TIAM1: variants seen among roughly 807,000 people sequenced by gnomAD.
The protein encoded by TIAM1 is TIAM Rac1 associated GEF 1, also known as rho guanine nucleotide exchange factor TIAM1.
TIAM1 carries 65 observed loss-of-function variants against 163.5 expected under a neutral mutation model. That is an observed-to-expected ratio of 0.40 (90% CI 0.33 to 0.49). The LOEUF (loss-of-function observed/expected upper bound fraction) is 0.49. TIAM1 is among the 20% of genes least tolerant of loss of function. TIAM1 has a pLI of 0.77. For missense variants in TIAM1, 1,789 were observed against 2,044.7 expected (o/e 0.87, Z 2.41); for synonymous variants, 833 against 810.1 (o/e 1.03, Z -0.48).
intron 23 of TIAM1, among the ~76,000 whole-genome samples, chr21:31,133,711 T>C (rs2082506164): frequency 6.6e-6 from 1 of 152,234 alleles, no homozygotes; most frequent in Admixed American, 6.5e-5. Flanking sequence ...TAGGGCTGCT[T>C]CTGGCTCCAG....
chr21:31,318,765 T>C (rs2075210181), intron 2 of TIAM1, among the ~76,000 whole-genome samples: 1 of 152,218 alleles, frequency 6.6e-6, no homozygotes, highest in African/African-American at 2.4e-5. Flanking sequence ...CTTGATAATG[T>C]TACTAGAAAG....
chr21:31,132,655 C>A (rs915534465), intron 23 of TIAM1, among the ~76,000 whole-genome samples: 15 of 152,160 alleles, frequency 9.9e-5, no homozygotes, highest in African/African-American at 3.4e-4. Context: ...TTGTGGATCA[C>A]AGCAGGAGGG....
intron 16 of TIAM1, among the ~76,000 whole-genome samples, chr21:31,156,595 G>A (rs953231595): frequency 6.6e-6 from 1 of 152,208 alleles, no homozygotes; most frequent in African/African-American, 2.4e-5. Flanking sequence ...ATACAGTCAA[G>A]TAGGGCTTTG....
intron 15 of TIAM1, 106 bp from the exon 16 acceptor site, chr21:31,165,171 T>A: frequency 4.2e-6 from 4 of 941,958 alleles, no homozygotes; most frequent in Non-Finnish European, 6.6e-6. Flanking sequence ...CATGTACATA[T>A]ACTGTAAGAC....
rs2082859243 is a variant in TIAM1, at chr21:31,141,835, G to A, written c.3476-331C>T. The stretch of plus-strand genomic sequence containing the variant: ...TTTTATCCTGATGTTTTGACACCTG[G>A]GGCCTTACTGTCCATGGGGAGACTG... On this transcript the variant is annotated intron_variant, in intron 20 of 27. Coordinates refer to ENST00000541036, the MANE Select transcript of TIAM1 (RefSeq NM_001353694.2). This position sits in a 1 kb window ranked among gnomAD's most constrained non-coding sequence, Gnocchi z 4.7. 6.6e-6 allele frequency among the ~76,000 whole-genome samples: 1 copy of A among 151,988 alleles called. No individual in the cohort carries two copies. The highest frequency in any genetic ancestry group is 1.5e-5 in the Non-Finnish European group (1 of 68,018).
At chr21:31,217,998 T>C (rs1013652399) in intron 8 of TIAM1, among the ~76,000 whole-genome samples, 4 of 152,224 alleles carry the variant, frequency 2.6e-5, no homozygotes, top group African/African-American at 9.7e-5. Flanking sequence ...GACATGTCCT[T>C]CTGGTCACAG....
chr21:31,535,106 A>G (rs181785568), intron 1 of TIAM1, among the ~76,000 whole-genome samples: 8 of 150,448 alleles, frequency 5.3e-5, no homozygotes, highest in African/African-American at 2.0e-4. Flanking sequence ...AAAAAGGCTG[A>G]GCGCAGTGGC....
intron 25 of TIAM1, among the ~76,000 whole-genome samples, chr21:31,128,910 G>A (rs2082308103): frequency 6.6e-6 from 1 of 152,196 alleles, no homozygotes; most frequent in Non-Finnish European, 1.5e-5. Context: ...CGTTGGACTA[G>A]GGTGGGTTGG....
chr21:31,239,465 T>G (rs1207312561), intron 6 of TIAM1, among the ~76,000 whole-genome samples: 1 of 152,092 alleles, frequency 6.6e-6, no homozygotes, highest in Non-Finnish European at 1.5e-5. Flanking sequence ...CAAGAAAATT[T>G]TCATGACATT....
chr21:31,322,761 A>C (rs1301959181), intron 2 of TIAM1, among the ~76,000 whole-genome samples: 1 of 152,222 alleles, frequency 6.6e-6, no homozygotes, highest in African/African-American at 2.4e-5. Flanking sequence ...TTATGGCTGA[A>C]TATTAGGTCC....
intron 12 of TIAM1, among the ~76,000 whole-genome samples, chr21:31,196,478 A>ATTTTTTTTTTTTTTTTTT (rs59358430): frequency 5.3e-4 from 70 of 133,068 alleles, no homozygotes; most frequent in African/African-American, 2.1e-3. Flanking sequence ...CATCTGGCTA[A>ATTTTTTTTTTTTTTTTTT]TTTTTTTTTT....
At chr21:31,300,669 A>G (rs2074462601) in intron 2 of TIAM1, among the ~76,000 whole-genome samples, 1 of 152,248 alleles carries the variant, frequency 6.6e-6, no homozygotes, top group Non-Finnish European at 1.5e-5. Context: ...TATTGTTGCT[A>G]AAGATTAAAG....
chr21:31,384,809 G>A (rs1474047242), intron 2 of TIAM1, among the ~76,000 whole-genome samples: 1 of 152,108 alleles, frequency 6.6e-6, no homozygotes, highest in African/African-American at 2.4e-5. Context: ...AGTGGTACAT[G>A]GAAAACCATG....
chr21:31,424,379 G>A (rs116297077), intron 2 of TIAM1, among the ~76,000 whole-genome samples: 213 of 152,302 alleles, frequency 1.4e-3, no homozygotes, highest in African/African-American at 4.9e-3. Flanking sequence ...GTGGATTTGT[G>A]GATGCCATCC....
intron 1 of TIAM1, among the ~76,000 whole-genome samples, chr21:31,523,818 T>C (rs554033553): frequency 6.7e-6 from 1 of 150,338 alleles, no homozygotes; most frequent in South Asian, 2.1e-4. Flanking sequence ...CCCGGGAGGC[T>C]AAGGCACAAG....
intron 22 of TIAM1, among the ~76,000 whole-genome samples, chr21:31,139,513 A>C (rs1759075398): frequency 6.6e-6 from 1 of 152,094 alleles, no homozygotes; most frequent in Non-Finnish European, 1.5e-5. Context: ...TTAATTTAAA[A>C]CAATCAAAAT....
intron 2 of TIAM1, among the ~76,000 whole-genome samples, chr21:31,283,909 T>C (rs908877450): frequency 1.3e-5 from 2 of 152,044 alleles, no homozygotes; most frequent in South Asian, 2.1e-4. Context: ...ACTCCAAGAG[T>C]AGTTTCCATG....
chr21:31,416,117 T>C (rs1363814480), intron 2 of TIAM1, among the ~76,000 whole-genome samples: 1 of 151,538 alleles, frequency 6.6e-6, no homozygotes, highest in East Asian at 1.9e-4. Context: ...GTGACGCCAG[T>C]GGGGCTCTCT....
intron 1 of TIAM1, among the ~76,000 whole-genome samples, chr21:31,496,095 G>A (rs140683776): frequency 2.8e-4 from 43 of 152,228 alleles, no homozygotes; most frequent in Non-Finnish European, 5.4e-4. Context: ...AGGCCAATGA[G>A]TATGTCCGTA....
Sources: allele counts gnomAD v4.1 joint callset (sites outside exome capture counted in the v4.1 genomes callset), GRCh38; gene constraint gnomAD v4.1.1; non-coding constraint Gnocchi (gnomAD v3.1); transcripts MANE v1.5; gene names NCBI Gene and HGNC (gene_info 2026-07-23, HGNC 2026-07-21).